Variants in GRIK4 observed in about 807,000 individuals in gnomAD.
GRIK4 encodes the protein glutamate receptor ionotropic, kainate 4.
GRIK4 carries 40 observed loss-of-function variants against 104.9 expected under a neutral mutation model. The observed-to-expected ratio is 0.38, with a 90% CI of 0.30 to 0.50. The LOEUF is 0.50. GRIK4 is among the 20% of genes least tolerant of loss of function. The pLI, the probability that GRIK4 is intolerant of heterozygous loss-of-function variation, is 0.93. For synonymous variants in GRIK4, 485 were observed against 524.9 expected (o/e 0.92, Z 1.04); for missense variants, 1,047 against 1,308.1 (o/e 0.80, Z 3.08).
rs1277177686 is a variant in GRIK4 at position 120,953,089 on chromosome 11, TAGAAGGACAGG to T, written c.1700+134_1700+144del. ...AGTTGGGAAGATCTTGGTGCCAAAC[TAGAAGGACAGG>T]AGAAGGACTGGGGGCCTGAAATGCT... On this transcript the variant is annotated intron_variant, in intron 15 of 20. Coordinates refer to ENST00000527524, the MANE Select transcript of GRIK4 (RefSeq NM_014619.5). The surrounding 1 kb of genome is among the most constrained non-coding windows in gnomAD (Gnocchi z 4.9). The T allele has an allele frequency of 4.1e-5, 27 of 658,244 alleles. No homozygotes were observed. The highest frequency in any genetic ancestry group is 1.8e-4 in the Admixed American group (7 of 39,948). The allele number at this position is 658,244 out of a possible 1,614,324, so 40.8% of individuals were successfully genotyped here.
intron 1 of GRIK4, among the ~76,000 whole-genome samples, chr11:120,586,460 T>C (rs1948665474): frequency 6.6e-6 from 1 of 152,110 alleles, no homozygotes; most frequent in Non-Finnish European, 1.5e-5. Context: ...CTTTCCCACA[T>C]AGACACTGGG....
At chr11:120,597,501 C>T (rs1010276749) in intron 1 of GRIK4, among the ~76,000 whole-genome samples, 2 of 152,212 alleles carry the variant, frequency 1.3e-5, no homozygotes, top group African/African-American at 4.8e-5. Flanking sequence ...CCAGCTGAGC[C>T]CCGTGGCAGG....
chr11:120,554,073 C>T (rs1017956764), intron 1 of GRIK4, among the ~76,000 whole-genome samples: 1 of 151,930 alleles, frequency 6.6e-6, no homozygotes, highest in African/African-American at 2.4e-5. Context: ...CACTCACACC[C>T]CCACCCACTC....
In GRIK4 at chr11:120,875,197, A is replaced by G. The variant is rs1203272322; in HGVS notation, c.1118A>G (p.Asn373Ser). 2 of 1,613,688 alleles carry G rather than the reference A, an allele frequency of 1.2e-6. No individual in the cohort carries two copies. The highest frequency in any genetic ancestry group is 1.1e-5 in the South Asian group (1 of 91,074). The change falls in exon 11 of 21, where the codon AAC becomes AGC. Residue 373 changes from asparagine to serine, a missense_variant. Coordinates refer to ENST00000527524, the MANE Select transcript of GRIK4 (RefSeq NM_014619.5). ...IEFNSKGQRS[N>S]YALKILQFTR... is the part of the protein sequence containing the mutation. ...TTCAACAGCAAAGGCCAGAGGTCCA[A>G]CTACGCTTTGAAAATCTTACAGTTC...
chr11:120,620,044 G>A (rs879424085), intron 1 of GRIK4: 12 of 626,148 alleles, frequency 1.9e-5, no homozygotes, highest in Admixed American at 1.4e-4. Context: ...TGTAAAATAC[G>A]TGCATACTTT....
chr11:120,970,098 A>G (rs1944450125), intron 19 of GRIK4, among the ~76,000 whole-genome samples: 1 of 152,214 alleles, frequency 6.6e-6, no homozygotes, highest in Admixed American at 6.5e-5. Flanking sequence ...AACTGCTGCT[A>G]GCTGTCAGAA....
intron 13 of GRIK4, among the ~76,000 whole-genome samples, chr11:120,937,835 T>G (rs1285313728): frequency 9.2e-5 from 14 of 152,258 alleles, no homozygotes; most frequent in Non-Finnish European, 1.3e-4. Flanking sequence ...AATGTCACAG[T>G]TGGCCAACTT....
At chr11:120,728,149 GA>G (rs1232815052) in intron 3 of GRIK4, among the ~76,000 whole-genome samples, 2 of 151,212 alleles carry the variant, frequency 1.3e-5, no homozygotes, top group Non-Finnish European at 3.0e-5. Context: ...TAAAGAAAAA[GA>G]AAAAAAATAC....
intron 1 of GRIK4, among the ~76,000 whole-genome samples, chr11:120,603,598 C>T (rs1948915903): frequency 6.6e-6 from 1 of 152,170 alleles, no homozygotes; most frequent in Non-Finnish European, 1.5e-5. Flanking sequence ...CACGACAAGC[C>T]TGCCCTGGAA....
intron 13 of GRIK4, among the ~76,000 whole-genome samples, chr11:120,921,140 C>T (rs1280526968): frequency 6.6e-6 from 1 of 152,212 alleles, no homozygotes; most frequent in East Asian, 1.9e-4. Flanking sequence ...CATTTAGTCA[C>T]CTTCTACCAC....
rs187879644 is a variant in GRIK4 at position 120,627,341 on chromosome 11, C to T, written c.-158-26344C>T. On this transcript the variant is annotated intron_variant, in intron 1 of 20. Coordinates refer to ENST00000527524, the MANE Select transcript of GRIK4 (RefSeq NM_014619.5). Reference sequence around the variant, plus strand: ...TCTCCAAAGGAGAAGCCACACAGCGCAGTGCAAGGAGAGCACCAGGCTAGG... The same window carrying T: ...TCTCCAAAGGAGAAGCCACACAGCGTAGTGCAAGGAGAGCACCAGGCTAGG... 1.6e-4 allele frequency among the ~76,000 whole-genome samples: 25 copies of T among 152,358 alleles called. No individual in the cohort carries two copies. The East Asian group carries it at 2.7e-3, about 16-fold the overall frequency.
At chr11:120,814,788 G>A (rs1196043080) in intron 4 of GRIK4, among the ~76,000 whole-genome samples, 2 of 152,162 alleles carry the variant, frequency 1.3e-5, no homozygotes, top group Non-Finnish European at 2.9e-5. Flanking sequence ...AGTGAACGAC[G>A]GGGGCATTGA....
At chr11:120,548,368 G>A (rs1012676500) in intron 1 of GRIK4, among the ~76,000 whole-genome samples, 18 of 152,096 alleles carry the variant, frequency 1.2e-4, no homozygotes, top group Admixed American at 3.9e-4. Flanking sequence ...GATTGTGCAA[G>A]TGGAGACGTA....
intron 1 of GRIK4, among the ~76,000 whole-genome samples, chr11:120,593,976 G>T (rs1269566112): frequency 6.6e-6 from 1 of 151,986 alleles, no homozygotes; most frequent in Non-Finnish European, 1.5e-5. Flanking sequence ...CTCTCCACTT[G>T]CCCTGCCACC....
chr11:120,559,242 A>T (rs1948215881), intron 1 of GRIK4, among the ~76,000 whole-genome samples: 1 of 152,186 alleles, frequency 6.6e-6, no homozygotes, highest in African/African-American at 2.4e-5. Flanking sequence ...CCCCAGGACT[A>T]GCTTTGGAGG....
At chr11:120,838,710 C>T (rs1417832305) in intron 8 of GRIK4, among the ~76,000 whole-genome samples, 1 of 152,094 alleles carries the variant, frequency 6.6e-6, no homozygotes, top group African/African-American at 2.4e-5. Context: ...GTTTTTAGGA[C>T]CACTCTTTCT....
intron 1 of GRIK4, among the ~76,000 whole-genome samples, chr11:120,606,914 G>A (rs1948970218): frequency 6.6e-6 from 1 of 152,218 alleles, no homozygotes; most frequent in Admixed American, 6.5e-5. Flanking sequence ...GTGCTATTCT[G>A]TATGGCTGGG....
intron 3 of GRIK4, among the ~76,000 whole-genome samples, chr11:120,790,266 A>G (rs1358714725): frequency 2.0e-5 from 3 of 152,182 alleles, no homozygotes; most frequent in South Asian, 2.1e-4. Flanking sequence ...TGGTGAATTA[A>G]TAAAGAAAGG....
At chr11:120,901,689 C>G (rs1182740662) in intron 12 of GRIK4, among the ~76,000 whole-genome samples, 1 of 152,154 alleles carries the variant, frequency 6.6e-6, no homozygotes, top group Non-Finnish European at 1.5e-5. Flanking sequence ...GCCAGCAAGA[C>G]TTTGGGAGGG....
Sources: allele counts gnomAD v4.1 joint callset (sites outside exome capture counted in the v4.1 genomes callset), GRCh38; gene constraint gnomAD v4.1.1; non-coding constraint Gnocchi (gnomAD v3.1); transcripts MANE v1.5; gene names NCBI Gene and HGNC (gene_info 2026-07-23, HGNC 2026-07-21).